Variants in ADAMTS17 observed in about 807,000 individuals in gnomAD.
ADAMTS17 encodes the protein ADAM metallopeptidase with thrombospondin type 1 motif 17, also known as A disintegrin and metalloproteinase with thrombospondin motifs 17.
In ADAMTS17, 113 loss-of-function variants were observed where a neutral mutation model predicts 141.5. That is an observed-to-expected ratio of 0.80 (90% CI 0.69 to 0.93). The LOEUF (loss-of-function observed/expected upper bound fraction) is 0.93. Ranked by LOEUF, ADAMTS17 falls within the 40% of genes least tolerant of loss-of-function variation. The pLI, the probability that ADAMTS17 is intolerant of heterozygous loss-of-function variation, is 0.00. For synonymous variants in ADAMTS17, 768 were observed against 630.6 expected (o/e 1.22, Z -3.27); for missense variants, 1,659 against 1,517.9 (o/e 1.09, Z -1.54).
In ADAMTS17 at chr15:100,175,291, T is replaced by C. The variant is rs541060654; in HGVS notation, c.1182-19971A>G. On this transcript the variant is annotated intron_variant, in intron 8 of 21. Coordinates refer to ENST00000268070, the MANE Select transcript of ADAMTS17 (RefSeq NM_139057.4). ...TGGCAACCAACAGAGCAGAGACTAA[T>C]TGGTCTGGAACAGCAGCTGTCCAAG... 2.0e-5 allele frequency among the ~76,000 whole-genome samples: 3 copies of C among 152,318 alleles called. No homozygotes were observed. The East Asian group carries it at 5.8e-4, about 29-fold the overall frequency.
chr15:100,081,578 T>A (rs1336948810), intron 15 of ADAMTS17, among the ~76,000 whole-genome samples: 1 of 152,240 alleles, frequency 6.6e-6, no homozygotes, highest in Non-Finnish European at 1.5e-5. Flanking sequence ...GTACATGTCT[T>A]CTTATGCATA....
At chr15:100,324,154 A>T (rs1435547193) in intron 3 of ADAMTS17, among the ~76,000 whole-genome samples, 2 of 152,150 alleles carry the variant, frequency 1.3e-5, no homozygotes, top group East Asian at 3.8e-4. Flanking sequence ...AAAGTACAGA[A>T]ATCAGTCGGG....
intron 2 of ADAMTS17, among the ~76,000 whole-genome samples, chr15:100,335,904 T>C (rs1373060980): frequency 6.6e-6 from 1 of 152,216 alleles, no homozygotes; most frequent in Non-Finnish European, 1.5e-5. Flanking sequence ...TCTGGGGACC[T>C]GTGCACAGAA....
At chr15:100,209,953 T>C (rs940251790) in intron 7 of ADAMTS17, among the ~76,000 whole-genome samples, 3 of 152,202 alleles carry the variant, frequency 2.0e-5, no homozygotes, top group African/African-American at 4.8e-5. Context: ...TCTTCACCTT[T>C]CAAGCAATTT....
intron 7 of ADAMTS17, among the ~76,000 whole-genome samples, chr15:100,227,451 G>A (rs1462450322): frequency 2.6e-5 from 4 of 152,130 alleles, no homozygotes; most frequent in Non-Finnish European, 5.9e-5. Flanking sequence ...TCCCCTAAAT[G>A]ACTGTACACT....
chr15:100,255,955 G>A (rs908999736), intron 6 of ADAMTS17, among the ~76,000 whole-genome samples: 1 of 152,162 alleles, frequency 6.6e-6, no homozygotes, highest in Non-Finnish European at 1.5e-5. Context: ...GCTCAGGGAG[G>A]GAGAGCCACA....
At chr15:100,107,214 C>T (rs777281053) in intron 14 of ADAMTS17, among the ~76,000 whole-genome samples, 8 of 152,280 alleles carry the variant, frequency 5.3e-5, no homozygotes, top group South Asian at 2.1e-4. Flanking sequence ...CTGTTTGTCA[C>T]GCACACTGAA....
intron 3 of ADAMTS17, among the ~76,000 whole-genome samples, chr15:100,292,152 C>T (rs1241480626): frequency 4.7e-5 from 7 of 150,158 alleles, no homozygotes; most frequent in East Asian, 4.0e-4. Context: ...TCACGAGACA[C>T]GCTCACCCCG....
At chr15:100,146,623 A>G (rs1363533437) in intron 10 of ADAMTS17, among the ~76,000 whole-genome samples, 1 of 127,500 alleles carries the variant, frequency 7.8e-6, no homozygotes, top group Non-Finnish European at 1.8e-5. Flanking sequence ...TGTTCAGGGA[A>G]TAAGAGAGAT....
At chr15:100,284,032 G>C (rs4965304) in intron 3 of ADAMTS17, among the ~76,000 whole-genome samples, 18,124 of 152,190 alleles carry the variant, frequency 0.12, 1,134 homozygotes, top group African/African-American at 0.16. Context: ...TTGAACCTGG[G>C]TAGCAGAGGT....
At chr15:100,172,508 T>C (rs556824885) in intron 8 of ADAMTS17, among the ~76,000 whole-genome samples, 1 of 152,298 alleles carries the variant, frequency 6.6e-6, no homozygotes, top group Non-Finnish European at 1.5e-5. Flanking sequence ...CCTGGTCACC[T>C]GCTCCATCCT....
chr15:100,140,985 T>A (rs561585676), intron 10 of ADAMTS17, among the ~76,000 whole-genome samples: 11 of 152,102 alleles, frequency 7.2e-5, no homozygotes, highest in African/African-American at 2.4e-4. Context: ...CCAGGCCAAA[T>A]CAGGGGTGGG....
At chr15:100,152,480 G>T in intron 10 of ADAMTS17, 132 bp downstream of exon 10, 1 of 1,207,492 alleles carries the variant, frequency 8.3e-7, no homozygotes. Flanking sequence ...GCATATACAT[G>T]TATACCTGTG....
chr15:100,304,270 C>T (rs1003705830), intron 3 of ADAMTS17, among the ~76,000 whole-genome samples: 7 of 152,204 alleles, frequency 4.6e-5, no homozygotes, highest in African/African-American at 1.4e-4. Context: ...ACTCCTGGCT[C>T]CACTGTCTTC....
In ADAMTS17 at chr15:100,067,323, T is replaced by G. The variant is rs560554815; in HGVS notation, c.2138-13269A>C. 2.6e-3 allele frequency among the ~76,000 whole-genome samples: 390 copies of G among 152,268 alleles called. 2 individuals carry two copies. Among genetic ancestry groups the G allele is most frequent in the Non-Finnish European group, 4.0e-3 (273 of 68,012 alleles). On this transcript the variant is annotated intron_variant, in intron 15 of 21. Coordinates refer to ENST00000268070, the MANE Select transcript of ADAMTS17 (RefSeq NM_139057.4). ...TACACTTTTCCACTGTCTTCCCTTATGATATTGAGAAGGCAGCCATCATTC... is the reference window on the plus strand; with the variant it reads ...TACACTTTTCCACTGTCTTCCCTTAGGATATTGAGAAGGCAGCCATCATTC...
rs182185841 is a variant in ADAMTS17 at position 100,338,711 on chromosome 15, T to A, written c.450+2328A>T. On this transcript the variant is annotated intron_variant, in intron 2 of 21. Transcript: ENST00000268070. ...CACCAAAAATCATCTACTTATAGCC[T>A]CCCTTCCCACACCTTATAGCCGAGC... Among the ~76,000 whole-genome samples the A allele has an allele frequency of 2.3e-3, 356 of 152,144 alleles. 1 individual carries two copies. Among genetic ancestry groups the A allele is most frequent in the African/African-American group, 7.6e-3 (317 of 41,504 alleles).
chr15:100,241,169 C>G (rs1042865376), intron 7 of ADAMTS17, among the ~76,000 whole-genome samples: 2 of 152,082 alleles, frequency 1.3e-5, no homozygotes, highest in African/African-American at 4.8e-5. Context: ...TTTCAGGGTC[C>G]TGGCCAATGA....
intron 7 of ADAMTS17, among the ~76,000 whole-genome samples, chr15:100,226,271 G>A (rs1256760305): frequency 4.6e-5 from 7 of 152,266 alleles, no homozygotes; most frequent in Admixed American, 4.6e-4. Flanking sequence ...AGACAGTGGA[G>A]GATCTGGGTC....
chr15:100,270,349 C>CCAAA (rs1555498957), intron 4 of ADAMTS17, among the ~76,000 whole-genome samples: 128 of 152,146 alleles, frequency 8.4e-4, no homozygotes, highest in Non-Finnish European at 1.7e-3. Flanking sequence ...AGGAGATGGC[C>CCAAA]CATAGTTCAG....
Sources: gnomAD v4.1 joint callset for allele counts (sites outside exome capture counted in the v4.1 genomes callset) on GRCh38, gnomAD v4.1.1 for gene constraint, MANE v1.5 for transcripts, NCBI Gene and HGNC (gene_info 2026-07-23, HGNC 2026-07-21) for gene names.